The following OXR1 variants were observed in gnomAD, a reference collection of about 807,000 sequenced individuals.
The protein encoded by OXR1 is oxidation resistance 1.
A neutral mutation model predicts 104.6 loss-of-function variants in OXR1; 41 were observed. The ratio of observed to expected loss-of-function variants is 0.39; its 90% CI spans 0.31 to 0.51. The LOEUF (loss-of-function observed/expected upper bound fraction) is 0.51, where lower values mean the gene tolerates loss of function less well. Among genes scored for constraint, OXR1 ranks in the 20% least tolerant of loss-of-function variants. OXR1 has a pLI of 0.77. For missense variants in OXR1, 955 were observed against 1,031.9 expected, an observed-to-expected ratio of 0.93 and a Z score of 1.02; for synonymous variants, 348 against 348.4, an observed-to-expected ratio of 1.00 and a Z score of 0.01.
chr8:106,469,556 G>C (rs1821371321), intron 2 of OXR1, among the ~76,000 whole-genome samples: 1 of 151,850 alleles, frequency 6.6e-6, no homozygotes, highest in African/African-American at 2.4e-5. Flanking sequence ...TGTGTTGGCT[G>C]TTAGTAGACT....
At chr8:106,328,926 G>C (rs1285303242) in intron 1 of OXR1, among the ~76,000 whole-genome samples, 2 of 152,062 alleles carry the variant, frequency 1.3e-5, no homozygotes, top group Non-Finnish European at 2.9e-5. Context: ...CCCTAGCCTG[G>C]ATTACCACTT....
At chr8:106,626,344 A>T (rs1014218818) in intron 3 of OXR1, among the ~76,000 whole-genome samples, 1 of 151,802 alleles carries the variant, frequency 6.6e-6, no homozygotes, top group African/African-American at 2.4e-5. Flanking sequence ...TAAAAAAAAA[A>T]AGTCTTTCCT....
intron 2 of OXR1, among the ~76,000 whole-genome samples, chr8:106,367,489 A>G (rs571102065): frequency 6.6e-6 from 1 of 152,306 alleles, no homozygotes; most frequent in Admixed American, 6.5e-5. Flanking sequence ...ATTTATTTCT[A>G]AACAGGCAGT....
chr8:106,324,655 T>TC (rs971663227), intron 1 of OXR1, among the ~76,000 whole-genome samples: 2 of 151,908 alleles, frequency 1.3e-5, no homozygotes, highest in Middle Eastern at 3.2e-3. Flanking sequence ...CCTAGTGCCC[T>TC]CCATCGTCAT....
At chr8:106,427,600 G>A (rs1400477217) in intron 2 of OXR1, among the ~76,000 whole-genome samples, 1 of 152,126 alleles carries the variant, frequency 6.6e-6, no homozygotes, top group African/African-American at 2.4e-5. Context: ...GATTGTGGCT[G>A]TTTTCCCTCT....
intron 11 of OXR1, among the ~76,000 whole-genome samples, chr8:106,714,326 C>T (rs914132839): frequency 5.3e-5 from 8 of 151,856 alleles, no homozygotes; most frequent in South Asian, 2.1e-4. Flanking sequence ...CATAAAACAT[C>T]GATTTCACAT....
At chr8:106,748,428 T>A (rs1835576944) in intron 16 of OXR1, among the ~76,000 whole-genome samples, 1 of 152,100 alleles carries the variant, frequency 6.6e-6, no homozygotes, top group Non-Finnish European at 1.5e-5. Flanking sequence ...TCATCACTGG[T>A]TATCCCATTA....
chr8:106,332,189 T>A (rs1814746099), intron 1 of OXR1, among the ~76,000 whole-genome samples: 1 of 151,976 alleles, frequency 6.6e-6, no homozygotes, highest in African/African-American at 2.4e-5. Context: ...CAATGAAAAA[T>A]TTAGGATGCT....
At chr8:106,745,571 T>C (rs1835318505) in intron 15 of OXR1, among the ~76,000 whole-genome samples, 1 of 152,140 alleles carries the variant, frequency 6.6e-6, no homozygotes, top group African/African-American at 2.4e-5. Flanking sequence ...TTTGAGAAAT[T>C]GGAATTGAAA....
At chr8:106,436,139 A>T (rs969463528) in intron 2 of OXR1, among the ~76,000 whole-genome samples, 1 of 152,086 alleles carries the variant, frequency 6.6e-6, no homozygotes, top group African/African-American at 2.4e-5. Flanking sequence ...GCTAGTAATT[A>T]TTGAAATTGA....
At chr8:106,300,583 C>T (rs918468428) in intron 1 of OXR1, among the ~76,000 whole-genome samples, 6 of 151,706 alleles carry the variant, frequency 4.0e-5, no homozygotes, top group African/African-American at 1.2e-4. Flanking sequence ...TGAAATGCAC[C>T]GTGAATCATT....
At chr8:106,577,595 G>A (rs1817947130) in intron 3 of OXR1, among the ~76,000 whole-genome samples, 1 of 151,868 alleles carries the variant, frequency 6.6e-6, no homozygotes, top group African/African-American at 2.4e-5. Flanking sequence ...TTACCAGGTC[G>A]GCCAGGCTGG....
At chr8:106,584,664 G>C (rs767508244) in intron 3 of OXR1, among the ~76,000 whole-genome samples, 2 of 151,932 alleles carry the variant, frequency 1.3e-5, no homozygotes, top group Non-Finnish European at 2.9e-5. Flanking sequence ...AATCAACTAT[G>C]AGTAGAATAA....
rs553062962 is a variant in OXR1, at chr8:106,516,929, T to G, written c.24-2014T>G. On this transcript the variant is annotated intron_variant, in intron 2 of 16. Coordinates refer to ENST00000517566, the MANE Select transcript of OXR1 (RefSeq NM_001198533.2). ...TGCATGCATTGAAAAAAACATGGTA[T>G]GTACTGTATAGGGCTTGTTACTATC... 4.5e-4 allele frequency among the ~76,000 whole-genome samples: 68 copies of G among 152,304 alleles called. 1 individual carries two copies. The South Asian group carries it at 0.014, about 31-fold the overall frequency.
chr8:106,444,601 A>G (rs558829225), intron 2 of OXR1, among the ~76,000 whole-genome samples: 1 of 152,118 alleles, frequency 6.6e-6, no homozygotes, highest in East Asian at 1.9e-4. Context: ...CGAACCAAAC[A>G]CCGCATGTTC....
At chr8:106,648,254 G>T (rs1309029369) in intron 3 of OXR1, among the ~76,000 whole-genome samples, 1 of 152,144 alleles carries the variant, frequency 6.6e-6, no homozygotes, top group Non-Finnish European at 1.5e-5. Flanking sequence ...AGAGATAGGA[G>T]CTGGGGCAGG....
chr8:106,416,203 A>G (rs1818671820), intron 2 of OXR1, among the ~76,000 whole-genome samples: 1 of 152,156 alleles, frequency 6.6e-6, no homozygotes, highest in Middle Eastern at 3.2e-3. Context: ...AGTTATAACA[A>G]CATCTACACA....
chr8:106,686,616 C>G lies in OXR1; in HGVS notation c.525+2257C>G, dbSNP rs530032704. ...AGATATAGTTTACATTTTCATTACA[C>G]TAATTAAAATAATGTCTATTAGTAT... On this transcript the variant is annotated intron_variant, in intron 6 of 16. Transcript: ENST00000517566. Among the ~76,000 whole-genome samples, 3 of 152,196 alleles carry G rather than the reference C, an allele frequency of 2.0e-5. No homozygotes were observed. The East Asian group carries it at 5.8e-4, about 29-fold the overall frequency.
chr8:106,321,510 T>G (rs1422667100), intron 1 of OXR1, among the ~76,000 whole-genome samples: 1 of 152,118 alleles, frequency 6.6e-6, no homozygotes, highest in Non-Finnish European at 1.5e-5. Context: ...AGGACACAGA[T>G]GGGCCAAACA....
Sources: allele counts gnomAD v4.1 joint callset (sites outside exome capture counted in the v4.1 genomes callset), GRCh38; gene constraint gnomAD v4.1.1; transcripts MANE v1.5; gene names NCBI Gene and HGNC (gene_info 2026-07-23, HGNC 2026-07-21).